Variants in PIP5K1B observed in about 807,000 individuals in gnomAD.
PIP5K1B encodes phosphatidylinositol 4-phosphate 5-kinase type-1 beta.
A neutral mutation model predicts 67.0 loss-of-function variants in PIP5K1B; 42 were observed. That is an observed-to-expected ratio of 0.63 (90% CI 0.49 to 0.81). The LOEUF (loss-of-function observed/expected upper bound fraction) is 0.81. Among genes scored for constraint, PIP5K1B ranks in the 30% least tolerant of loss-of-function variants. The pLI, the probability that PIP5K1B is intolerant of heterozygous loss-of-function variation, is 0.00. For synonymous variants in PIP5K1B, 214 were observed against 231.4 expected, an observed-to-expected ratio of 0.92 and a Z score of 0.68; for missense variants, 459 against 646.3, an observed-to-expected ratio of 0.71 and a Z score of 3.14.
intron 4 of PIP5K1B, among the ~76,000 whole-genome samples, chr9:68,850,730 G>C (rs1358201484): frequency 6.6e-6 from 1 of 152,086 alleles, no homozygotes; most frequent in Non-Finnish European, 1.5e-5. Context: ...GTTGATTCTA[G>C]GATGAAAAGT....
chr9:68,721,476 G>T (rs1289639774), intron 1 of PIP5K1B, among the ~76,000 whole-genome samples: 1 of 152,136 alleles, frequency 6.6e-6, no homozygotes, highest in Non-Finnish European at 1.5e-5. Context: ...ATTGGGGAAT[G>T]ATGCTCAACT....
chr9:68,726,448 G>A (rs1828153279), intron 1 of PIP5K1B, among the ~76,000 whole-genome samples: 1 of 152,128 alleles, frequency 6.6e-6, no homozygotes, highest in Admixed American at 6.6e-5. Flanking sequence ...TATAATAAGA[G>A]CCCCAAATCT....
chr9:68,973,990 A>G (rs1188533815), intron 14 of PIP5K1B, among the ~76,000 whole-genome samples: 1 of 152,096 alleles, frequency 6.6e-6, no homozygotes, highest in Non-Finnish European at 1.5e-5. Context: ...CGATCCTCCC[A>G]CCTCAGCTTC....
chr9:68,741,257 T>G (rs138458501), intron 1 of PIP5K1B, among the ~76,000 whole-genome samples: 52 of 152,306 alleles, frequency 3.4e-4, no homozygotes, highest in Admixed American at 5.9e-4. Context: ...TCATTTAACA[T>G]TATCCCATGT....
chr9:68,840,428 T>TATTGCTGCAGTCGCAA (rs1171337314), intron 4 of PIP5K1B, among the ~76,000 whole-genome samples: 1 of 152,190 alleles, frequency 6.6e-6, no homozygotes, highest in Non-Finnish European at 1.5e-5. Context: ...ATTAGTTTCT[T>TATTGCTGCAGTCGCAA]ATTGCTGCAG....
intron 4 of PIP5K1B, among the ~76,000 whole-genome samples, chr9:68,850,927 CTAATA>C (rs1340043788): frequency 6.6e-6 from 1 of 152,086 alleles, no homozygotes; most frequent in Admixed American, 6.5e-5. Context: ...TTCTGAAAGA[CTAATA>C]TAACAGCAAA....
At chr9:68,983,681 TG>T (rs1318840648) in intron 14 of PIP5K1B, among the ~76,000 whole-genome samples, 1 of 152,208 alleles carries the variant, frequency 6.6e-6, no homozygotes, top group Non-Finnish European at 1.5e-5. Flanking sequence ...ATGCCTGTAA[TG>T]GCAGTGCATT....
intron 2 of PIP5K1B, among the ~76,000 whole-genome samples, chr9:68,753,208 C>T (rs1829723682): frequency 6.7e-6 from 1 of 149,788 alleles, no homozygotes; most frequent in Non-Finnish European, 1.5e-5. Context: ...TTTTAAAGAA[C>T]AGAATAGGTA....
Position 68,988,139 on chromosome 9 carries a change from A to T in PIP5K1B, c.1503-3001A>T, listed in dbSNP as rs557048962. ...TCTTCCCAAACAGTTCAGGGAAAAAATGCTTATGGGTATTTATAAATAAAT... is the reference window on the plus strand; with the variant it reads ...TCTTCCCAAACAGTTCAGGGAAAAATTGCTTATGGGTATTTATAAATAAAT... On this transcript the variant is annotated intron_variant, in intron 14 of 15. Coordinates refer to ENST00000265382, the MANE Select transcript of PIP5K1B (RefSeq NM_003558.4). Among the ~76,000 whole-genome samples the T allele has an allele frequency of 6.6e-5, 10 of 152,266 alleles. No individual in the cohort carries two copies. In the South Asian group the frequency reaches 1.9e-3, roughly 28 times the overall value.
intron 15 of PIP5K1B, among the ~76,000 whole-genome samples, chr9:69,000,426 G>T (rs6560486): frequency 0.05 from 7,647 of 152,150 alleles, 541 homozygotes; most frequent in African/African-American, 0.16. Context: ...TTCTAGGGCT[G>T]CTGTAACAAA....
chr9:68,795,168 C>T (rs969972662), intron 2 of PIP5K1B, among the ~76,000 whole-genome samples: 4 of 150,382 alleles, frequency 2.7e-5, no homozygotes, highest in African/African-American at 7.4e-5. Flanking sequence ...AGAGAGAGAG[C>T]GTGTGTGTGT....
chr9:69,007,629 G>T (rs1483458750), intron 15 of PIP5K1B, among the ~76,000 whole-genome samples: 1 of 152,206 alleles, frequency 6.6e-6, no homozygotes, highest in Non-Finnish European at 1.5e-5. Flanking sequence ...AGGCCAAGGT[G>T]GGCGGATCAC....
At chr9:68,993,581 G>A (rs1369239593) in intron 15 of PIP5K1B, among the ~76,000 whole-genome samples, 4 of 152,006 alleles carry the variant, frequency 2.6e-5, no homozygotes, top group Non-Finnish European at 5.9e-5. Flanking sequence ...TAAGATTGTA[G>A]CAGATCACAA....
At chr9:68,962,121 A>G (rs575567839) in intron 14 of PIP5K1B, among the ~76,000 whole-genome samples, 4 of 152,348 alleles carry the variant, frequency 2.6e-5, no homozygotes, top group Admixed American at 6.5e-5. Context: ...CTGAACAGAA[A>G]TACATATTTT....
chr9:68,735,316 CTTTTTTTT>C (rs558810934), intron 1 of PIP5K1B, among the ~76,000 whole-genome samples: 8 of 29,806 alleles, frequency 2.7e-4, no homozygotes, highest in Admixed American at 1.1e-3. Context: ...CCCCTAGTGT[CTTTTTTTT>C]TTTTTTTTTT....
chr9:68,755,341 C>A (rs1829871704), intron 2 of PIP5K1B, among the ~76,000 whole-genome samples: 1 of 152,126 alleles, frequency 6.6e-6, no homozygotes, highest in South Asian at 2.1e-4. Flanking sequence ...ATGAGTATAC[C>A]TCTGCTTACT....
At chr9:68,722,131 C>T (rs1587340998) in intron 1 of PIP5K1B, among the ~76,000 whole-genome samples, 1 of 152,146 alleles carries the variant, frequency 6.6e-6, no homozygotes, top group African/African-American at 2.4e-5. Flanking sequence ...CAAGCAGATT[C>T]GAGTCCTGAC....
At chr9:68,841,084 A>C (rs1477410102) in intron 4 of PIP5K1B, among the ~76,000 whole-genome samples, 3 of 151,926 alleles carry the variant, frequency 2.0e-5, no homozygotes, top group Non-Finnish European at 4.4e-5. Flanking sequence ...TCCCTTTTCT[A>C]CTTCACTCCT....
intron 4 of PIP5K1B, among the ~76,000 whole-genome samples, chr9:68,824,905 A>G (rs1833906479): frequency 6.6e-6 from 1 of 152,254 alleles, no homozygotes; most frequent in Non-Finnish European, 1.5e-5. Flanking sequence ...AGAATAGGAA[A>G]ACCTCTGAAT....
Sources: gnomAD v4.1 joint callset for allele counts (sites outside exome capture counted in the v4.1 genomes callset) on GRCh38, gnomAD v4.1.1 for gene constraint, MANE v1.5 for transcripts, NCBI Gene and HGNC (gene_info 2026-07-23, HGNC 2026-07-21) for gene names.